Variants in APTX observed in about 807,000 individuals in gnomAD.
APTX encodes forkhead-associated domain histidine triad-like protein.
APTX carries 33 observed loss-of-function variants against 42.3 expected under a neutral mutation model. The observed-to-expected ratio is 0.78, with a 90% confidence interval of 0.59 to 1.04. The LOEUF (loss-of-function observed/expected upper bound fraction) is 1.04, where lower values mean the gene tolerates loss of function less well. Ranked by LOEUF, APTX falls within the 50% of genes least tolerant of loss-of-function variation. The pLI is 0.00. For synonymous variants in APTX, 130 were observed against 146.7 expected (o/e 0.89, Z 0.82); for missense variants, 421 against 415.1 (o/e 1.01, Z -0.12).
intron 7 of APTX, among the ~76,000 whole-genome samples, chr9:32,973,900 G>C (rs150848554): frequency 1.8e-4 from 28 of 152,010 alleles, no homozygotes; most frequent in African/African-American, 6.0e-4. Flanking sequence ...ATGTTACTCT[G>C]TCAAGAGCTC....
intron 1 of APTX, among the ~76,000 whole-genome samples, chr9:33,022,024 C>G (rs1417689357): frequency 1.3e-5 from 2 of 148,322 alleles, no homozygotes; most frequent in African/African-American, 5.0e-5. Flanking sequence ...CCTGGGACAA[C>G]AGATTTATAT....
At chr9:33,012,639 G>A (rs928325892) in intron 1 of APTX, among the ~76,000 whole-genome samples, 1 of 152,136 alleles carries the variant, frequency 6.6e-6, no homozygotes, top group African/African-American at 2.4e-5. Flanking sequence ...GTATATGAGT[G>A]ACCCAGCTTG....
At chr9:32,976,382 AAAAAT>A (rs1433634652) in intron 6 of APTX, among the ~76,000 whole-genome samples, 1 of 152,256 alleles carries the variant, frequency 6.6e-6, no homozygotes, top group African/African-American at 2.4e-5. Context: ...TATAATAAAA[AAAAAT>A]AAAAACTACT....
At chr9:32,985,848 G>T in intron 5 of APTX, 123 bp downstream of exon 5, 3 of 931,956 alleles carry the variant, frequency 3.2e-6, no homozygotes, top group Non-Finnish European at 5.1e-6. Flanking sequence ...TCACAGAACA[G>T]CCCAATAAAA....
At chr9:33,017,218 A>G (rs1011134065) in intron 1 of APTX, among the ~76,000 whole-genome samples, 2 of 152,236 alleles carry the variant, frequency 1.3e-5, no homozygotes, top group African/African-American at 4.8e-5. Flanking sequence ...CTCCAATTTA[A>G]GATACCAATA....
In APTX at chr9:32,973,139, G is replaced by A. The variant is rs1828440437; in HGVS notation, c.*359C>T. On this transcript the variant is annotated 3_prime_UTR_variant, in exon 8 of 8. Transcript: ENST00000379817. ...GTTGTCCATGCCTACAGAGGCGGAGGATAAATCTAAGAAACAGAAATGTAT... is the reference window on the plus strand; with the variant it reads ...GTTGTCCATGCCTACAGAGGCGGAGAATAAATCTAAGAAACAGAAATGTAT... The A allele has an allele frequency of 4.3e-6, 2 of 464,398 alleles. No homozygotes were observed. The highest frequency in any genetic ancestry group is 6.6e-5 in the East Asian group (1 of 15,070). The allele number at this position is 464,398 out of a possible 1,614,324, so 28.8% of individuals were successfully genotyped here. A position where few individuals can be genotyped will look rare whatever the true frequency, so the allele number is the denominator to read the frequency against.
At chr9:33,014,174 G>A (rs1459133310) in intron 1 of APTX, among the ~76,000 whole-genome samples, 1 of 152,184 alleles carries the variant, frequency 6.6e-6, no homozygotes, top group Non-Finnish European at 1.5e-5. Context: ...TCTGCTCTGA[G>A]GGACAACCTG....
chr9:33,015,652 C>T (rs890211578), intron 1 of APTX, among the ~76,000 whole-genome samples: 9 of 152,142 alleles, frequency 5.9e-5, no homozygotes, highest in Non-Finnish European at 1.2e-4. Flanking sequence ...CCACCACGCC[C>T]GGCCTGTATT....
rs556370318 is a variant in APTX at position 33,008,815 on chromosome 9, G to T, written c.-5+16208C>A. 2.0e-5 allele frequency among the ~76,000 whole-genome samples: 3 copies of T among 152,274 alleles called. No individual in the cohort carries two copies. The South Asian group carries it at 6.2e-4, about 32-fold the overall frequency. ...GACCCACCCGCCTCTACCTCCCAAA[G>T]TGCTGGGATTACAGACGTGCGCCAC... On this transcript the variant is annotated intron_variant, in intron 1 of 6. Transcript: ENST00000436040.
Position 32,985,647 on chromosome 9 carries a change from T to C in APTX, c.543+324A>G, listed in dbSNP as rs544003768. On this transcript the variant is annotated intron_variant, in intron 5 of 7. Coordinates refer to ENST00000379817, the MANE Select transcript of APTX (RefSeq NM_001195248.2). ...GACTGTTAATGCCAGGGCAGCACAG[T>C]ACTACTGTCACAGTGTATTATCTCT... 5.3e-5 allele frequency among the ~76,000 whole-genome samples: 8 copies of C among 152,234 alleles called. No homozygotes were observed. The South Asian group carries it at 1.7e-3, about 32-fold the overall frequency.
At chr9:33,008,190 G>T (rs894746430) in intron 1 of APTX, among the ~76,000 whole-genome samples, 1 of 151,736 alleles carries the variant, frequency 6.6e-6, no homozygotes, top group African/African-American at 2.4e-5. Context: ...CCTATGAGGA[G>T]CTTGGTGAAA....
chr9:33,000,650 AAAG>A (rs1027838330), intron 1 of APTX, among the ~76,000 whole-genome samples: 1 of 150,252 alleles, frequency 6.7e-6, no homozygotes, highest in Non-Finnish European at 1.5e-5. Context: ...AAAAAAAAGA[AAAG>A]AAAAGAAAAA....
intron 1 of APTX, among the ~76,000 whole-genome samples, chr9:33,017,507 G>GTCACTAGTCACTTCCCAAAGGGCAC (rs370484983): frequency 0.07 from 10,681 of 152,092 alleles, 500 homozygotes; most frequent in Non-Finnish European, 0.11. Flanking sequence ...ATCCCATGAC[G>GTCACTAGTCACTTCCCAAAGGGCAC]TAGTCACTTC....
chr9:33,019,912 C>T (rs1838232133), intron 1 of APTX: 2 of 529,374 alleles, frequency 3.8e-6, no homozygotes. Flanking sequence ...CAATTTCCAC[C>T]TCTAAGGGGG....
At chr9:33,013,020 T>C (rs901039052) in intron 1 of APTX, among the ~76,000 whole-genome samples, 10 of 152,176 alleles carry the variant, frequency 6.6e-5, no homozygotes, top group Non-Finnish European at 1.3e-4. Context: ...GTCAACATTG[T>C]TTTACTGACC....
chr9:32,973,339 G>T lies in APTX; in HGVS notation c.*159C>A. 1 of 862,398 alleles carries T rather than the reference G, an allele frequency of 1.2e-6. No individual in the cohort carries two copies. Among genetic ancestry groups the T allele is most frequent in the Non-Finnish European group, 1.9e-6 (1 of 529,878 alleles). 53.4% of individuals were successfully genotyped at this position (862,398 alleles called of 1,614,324 possible). On this transcript the variant is annotated 3_prime_UTR_variant, in exon 8 of 8. Coordinates refer to ENST00000379817, the MANE Select transcript of APTX (RefSeq NM_001195248.2). ...AATTCCTAATCCTGAAGTACTTTGAGCCACTCTACATTGTGGCCACTCAAT... is the reference window on the plus strand; with the variant it reads ...AATTCCTAATCCTGAAGTACTTTGATCCACTCTACATTGTGGCCACTCAAT...
rs1043639892 is a variant in APTX at position 33,019,860 on chromosome 9, C to T, written c.-5+5163G>A. 16 of 646,878 alleles carry T rather than the reference C, an allele frequency of 2.5e-5. No homozygotes were observed. The Admixed American group carries it at 2.6e-4, about 11-fold the overall frequency. The allele number at this position is 646,878 out of a possible 1,614,324, so 40.1% of individuals were successfully genotyped here. Reference sequence around the variant, plus strand: ...CTCACTGTGAGATCCTTCCCAACCACCCTTTGGTGGGGTTCGGCATCTGGA... The same window carrying T: ...CTCACTGTGAGATCCTTCCCAACCATCCTTTGGTGGGGTTCGGCATCTGGA... On this transcript the variant is annotated intron_variant, in intron 1 of 6. Transcript: ENST00000436040.
intron 6 of APTX, among the ~76,000 whole-genome samples, chr9:32,975,079 G>A (rs112886547): frequency 3.9e-5 from 6 of 152,188 alleles, no homozygotes; most frequent in African/African-American, 9.6e-5. Flanking sequence ...CAGAAAGTGA[G>A]GAGGCCAAGA....
intron 1 of APTX, among the ~76,000 whole-genome samples, chr9:33,008,629 G>A (rs1837326742): frequency 6.7e-6 from 1 of 149,140 alleles, no homozygotes; most frequent in South Asian, 2.1e-4. Context: ...TTGGCTCACT[G>A]CAACCTCCAC....
Sources: gnomAD v4.1 joint callset for allele counts (sites outside exome capture counted in the v4.1 genomes callset) on GRCh38, gnomAD v4.1.1 for gene constraint, MANE v1.5 for transcripts, NCBI Gene and HGNC (gene_info 2026-07-23, HGNC 2026-07-21) for gene names.